NPC1: variants seen among roughly 807,000 people sequenced by gnomAD.
NPC1 encodes the protein NPC intracellular cholesterol transporter 1.
Under a neutral mutation model 140.4 loss-of-function variants are expected in NPC1, and 85 were observed. The observed-to-expected ratio is 0.61, with a 90% CI of 0.51 to 0.72. The LOEUF (loss-of-function observed/expected upper bound fraction) is 0.72. Among genes scored for constraint, NPC1 ranks in the 30% least tolerant of loss-of-function variants. The probability of loss-of-function intolerance (pLI) is 0.00; values close to 1 mark genes in which losing one functional copy is unlikely to be tolerated. For synonymous variants in NPC1, 656 were observed against 624.8 expected (o/e 1.05, Z -0.74); for missense variants, 1,504 against 1,623.8 (o/e 0.93, Z 1.27).
chr18:23,576,266 CA>C (rs1159525940), intron 1 of NPC1, among the ~76,000 whole-genome samples: 1 of 151,890 alleles, frequency 6.6e-6, no homozygotes, highest in Admixed American at 6.6e-5. Context: ...CAACAACAGC[CA>C]AAAATTAGCC....
intron 1 of NPC1, among the ~76,000 whole-genome samples, chr18:23,577,766 C>G (rs2059307580): frequency 6.6e-6 from 1 of 152,228 alleles, no homozygotes. Context: ...AGGTCCCGAG[C>G]CCTGCCCCGT....
At chr18:23,551,768 C>T in intron 9 of NPC1, 41 bp from the exon 10 acceptor site, 2 of 1,319,206 alleles carry the variant, frequency 1.5e-6, no homozygotes, top group Non-Finnish European at 2.2e-6. Context: ...TTAGAAGGGC[C>T]TCAAGACATC....
chr18:23,530,727 A>G (rs1567938003), downstream of NPC1: 28 of 910,538 alleles, frequency 3.1e-5, 1 homozygote, highest in South Asian at 4.0e-4. Flanking sequence ...ACACAATTTG[A>G]TAACAGCCCA....
intron 3 of NPC1, among the ~76,000 whole-genome samples, chr18:23,511,896 CAA>C (rs2057868138): frequency 6.6e-6 from 1 of 151,932 alleles, no homozygotes; most frequent in Admixed American, 6.6e-5. Context: ...CCAGTATCGC[CAA>C]ATTTCTTCTA....
downstream of NPC1, chr18:23,529,804 A>T (rs571698644): frequency 7.9e-5 from 102 of 1,297,940 alleles, 1 homozygote; most frequent in South Asian, 1.1e-3. Flanking sequence ...ATATGCTAAG[A>T]CAGGTCTGCC....
chr18:23,585,314 G>A (rs1029341793), intron 1 of NPC1, among the ~76,000 whole-genome samples: 1 of 152,138 alleles, frequency 6.6e-6, no homozygotes, highest in Non-Finnish European at 1.5e-5. Flanking sequence ...CTGAGCTCAA[G>A]AGATCCTCCC....
At chr18:23,571,934 T>C in intron 3 of NPC1, 140 bp downstream of exon 3, 1 of 296,424 alleles carries the variant, frequency 3.4e-6, no homozygotes, top group East Asian at 8.0e-5. Context: ...TGTATACATA[T>C]ATGTATAAAT....
downstream of NPC1, among the ~76,000 whole-genome samples, chr18:23,527,223 CAAAAAAAAAAAAAA>C (rs386387173): frequency 2.3e-5 from 1 of 43,670 alleles, no homozygotes; most frequent in South Asian, 1.0e-3. Context: ...CCTGTCTCTA[CAAAAAAAAAAAAAA>C]AAAAAAAAAA....
chr18:23,556,317 G>GT lies in NPC1; in HGVS notation c.1251dup (p.His418ThrfsTer11). 6.2e-7 allele frequency: 1 copy of GT among 1,614,136 alleles called. No homozygotes were observed. Among genetic ancestry groups the GT allele is most frequent in the Non-Finnish European group, 8.5e-7 (1 of 1,180,020 alleles). Reference sequence around the variant, plus strand: ...CCCGAAGGGTATGGCTGGTAAATGTGTTTGTCAGTGAGAGGGGCCCGGATG... The same window carrying GT: ...CCCGAAGGGTATGGCTGGTAAATGTGTTTTGTCAGTGAGAGGGGCCCGGATG... On this transcript the variant is annotated frameshift_variant, in exon 8 of 25. Coordinates refer to ENST00000269228, the MANE Select transcript of NPC1 (RefSeq NM_000271.5). LOFTEE classifies it high-confidence loss of function.
chr18:23,528,845 A>G (rs112114942), downstream of NPC1: 1 of 184,416 alleles, frequency 5.4e-6, no homozygotes. Context: ...CTCAGGCTAC[A>G]CCCCACAGCT....
chr18:23,542,033 G>T (rs572084926), intron 14 of NPC1, among the ~76,000 whole-genome samples: 1 of 152,132 alleles, frequency 6.6e-6, no homozygotes, highest in South Asian at 2.1e-4. Flanking sequence ...TCACAGCTTT[G>T]CTTGGAAGAA....
At chr18:23,526,710 C>G (rs368012391), downstream of NPC1, 1 of 1,614,180 alleles carries the variant, frequency 6.2e-7, no homozygotes, top group Non-Finnish European at 8.5e-7. Flanking sequence ...GACTCATGGA[C>G]TTTCTCCTCC....
chr18:23,539,568 A>G, intron 18 of NPC1, 98 bp from the exon 19 acceptor site: 1 of 899,766 alleles, frequency 1.1e-6, no homozygotes, highest in Non-Finnish European at 1.8e-6. Flanking sequence ...TCTACGTTTT[A>G]TACTGCTAAC....
intron 1 of NPC1, among the ~76,000 whole-genome samples, chr18:23,583,676 G>A (rs1247635021): frequency 6.6e-6 from 1 of 152,006 alleles, no homozygotes; most frequent in Admixed American, 6.6e-5. Flanking sequence ...GGGTTACCCA[G>A]GAAAGAGAGA....
intron 3 of NPC1, 125 bp downstream of exon 3, chr18:23,571,944 TATATA>T (rs2059210101): frequency 1.9e-5 from 6 of 316,686 alleles, no homozygotes; most frequent in South Asian, 1.6e-4. Context: ...TATGTATAAA[TATATA>T]ATATACATAT....
chr18:23,564,146 G>C (rs1392051298), intron 4 of NPC1, among the ~76,000 whole-genome samples: 8 of 148,418 alleles, frequency 5.4e-5, no homozygotes, highest in Admixed American at 2.7e-4. Context: ...CACCACACCT[G>C]GCTAATTTTT....
Position 23,575,769 on chromosome 18 carries a change from CAAAAAAAAAA to C in NPC1, c.58-2205_58-2196del, listed in dbSNP as rs35922440. Among the ~76,000 whole-genome samples, 45 of 35,110 alleles carry C rather than the reference CAAAAAAAAAA, an allele frequency of 1.3e-3. 1 individual carries two copies. The highest frequency in any genetic ancestry group is 2.7e-3 in the African/African-American group (32 of 11,788). 23.0% of individuals were successfully genotyped at this position (35,110 alleles called of 152,430 possible). The stretch of plus-strand genomic sequence containing the variant: ...CTTCTAGAGACACAGCAGAGAAGAC[CAAAAAAAAAA>C]AAAAAAAAAAAAAAAAAGTCATCCT... On this transcript the variant is annotated intron_variant, in intron 1 of 24. Transcript: ENST00000269228.
chr18:23,574,165 T>C (rs1437095360), intron 1 of NPC1, among the ~76,000 whole-genome samples: 1 of 152,214 alleles, frequency 6.6e-6, no homozygotes, highest in Non-Finnish European at 1.5e-5. Context: ...AAACCTCTTA[T>C]GTAAAGATTT....
intron 3 of NPC1, among the ~76,000 whole-genome samples, chr18:23,511,940 C>T (rs574696440): frequency 6.6e-6 from 1 of 151,656 alleles, no homozygotes; most frequent in East Asian, 1.9e-4. Context: ...AATATAGGAA[C>T]TTCTGCTTTT....
Sources: allele counts gnomAD v4.1 joint callset (sites outside exome capture counted in the v4.1 genomes callset), GRCh38; gene constraint gnomAD v4.1.1; transcripts MANE v1.5; gene names NCBI Gene and HGNC (gene_info 2026-07-23, HGNC 2026-07-21).